STRBP: variants seen among roughly 807,000 people sequenced by gnomAD.
The protein encoded by STRBP is spermatid perinuclear RNA binding protein, also known as spermatid perinuclear RNA-binding protein.
A neutral mutation model predicts 80.1 loss-of-function variants in STRBP; 13 were observed. The observed-to-expected ratio is 0.16, with a 90% confidence interval of 0.11 to 0.26. The LOEUF is 0.26. STRBP is among the 10% of genes least tolerant of loss of function. The pLI is 1.00. For missense variants in STRBP, 485 were observed against 815.2 expected (o/e 0.59, Z 4.93); for synonymous variants, 284 against 291.2 (o/e 0.98, Z 0.25).
In STRBP at chr9:123,125,674, C is replaced by A; in HGVS notation, c.1943-1G>T. ...AACAGAACCATTCTCTTGGGTAAAC[C>A]TACAGAGAAAAGAAACGGAGAGGAC... On this transcript the variant is annotated splice_acceptor_variant, in intron 18 of 18. Transcript: ENST00000348403. LOFTEE classifies it high-confidence loss of function. The A allele has an allele frequency of 6.2e-7, 1 of 1,609,528 alleles. No individual in the cohort carries two copies. The highest frequency in any genetic ancestry group is 8.5e-7 in the Non-Finnish European group (1 of 1,178,104).
chr9:123,207,335 A>AT (rs2039553697), intron 2 of STRBP, among the ~76,000 whole-genome samples: 1 of 152,250 alleles, frequency 6.6e-6, no homozygotes, highest in Non-Finnish European at 1.5e-5. Context: ...CAGTTTATGA[A>AT]TGACAGTGAT....
intron 14 of STRBP, among the ~76,000 whole-genome samples, chr9:123,137,163 G>C (rs919909502): frequency 1.3e-5 from 2 of 152,210 alleles, no homozygotes; most frequent in African/African-American, 4.8e-5. Flanking sequence ...ACTGATTTGA[G>C]GAAGGATAAG....
At chr9:123,234,070 G>A (rs1303833432) in intron 2 of STRBP, among the ~76,000 whole-genome samples, 8 of 151,752 alleles carry the variant, frequency 5.3e-5, no homozygotes, top group Non-Finnish European at 1.0e-4. Flanking sequence ...GCGTGGTGGC[G>A]GGCGCCTGTA....
At position 123,116,121 on chromosome 9, in the gene STRBP, G is replaced by C. The variant is rs1170224701; in HGVS notation, c.169-23C>G. The C allele has an allele frequency of 1.1e-5, 5 of 455,870 alleles. No individual in the cohort carries two copies. In the Admixed American group the frequency reaches 1.2e-4, roughly 11 times the overall value. 28.2% of individuals were successfully genotyped at this position (455,870 alleles called of 1,614,324 possible). On this transcript the variant is annotated intron_variant and NMD_transcript_variant, in intron 2 of 3. Transcript: ENST00000471564. Reference sequence around the variant, plus strand: ...CCTCTGCAGGAATGAGGGATTTTTAGAAAGCTGAGACTTCCGAGAAGTCTC... The same window carrying C: ...CCTCTGCAGGAATGAGGGATTTTTACAAAGCTGAGACTTCCGAGAAGTCTC...
intron 2 of STRBP, among the ~76,000 whole-genome samples, chr9:123,227,405 GC>G (rs1319970654): frequency 3.3e-5 from 5 of 152,108 alleles, no homozygotes; most frequent in Non-Finnish European, 5.9e-5. Flanking sequence ...AATGCAGTAA[GC>G]CAAAGGATAA....
rs756663804 is a variant in STRBP, at chr9:123,147,885, G to T, written c.1046-15C>A. The T allele has an allele frequency of 6.2e-7, 1 of 1,601,672 alleles. No individual in the cohort carries two copies. Among genetic ancestry groups the T allele is most frequent in the East Asian group, 2.2e-5 (1 of 44,684 alleles). ...AGACCCAGCACCTAAAAAAAATTAT[G>T]AGGGATTCATTATCAGTCAAAACAA... is the stretch of plus-strand genomic sequence containing the variant. On this transcript the variant is annotated splice_polypyrimidine_tract_variant and intron_variant, in intron 11 of 18. Transcript: ENST00000348403.
chr9:123,154,278 T>C (rs1374199638), intron 11 of STRBP, among the ~76,000 whole-genome samples: 1 of 152,198 alleles, frequency 6.6e-6, no homozygotes, highest in African/African-American at 2.4e-5. Flanking sequence ...ACTATATCTA[T>C]GTGCAGCAAC....
intron 1 of STRBP, among the ~76,000 whole-genome samples, chr9:123,262,208 G>A (rs886244699): frequency 7.2e-5 from 11 of 152,114 alleles, no homozygotes; most frequent in Non-Finnish European, 1.3e-4. Flanking sequence ...ACACACCTTT[G>A]AGCCTAAATG....
chr9:123,258,737 C>T lies in STRBP; in HGVS notation c.-302+9699G>A, dbSNP rs1026353551. Among the ~76,000 whole-genome samples the T allele has an allele frequency of 1.0e-3, 155 of 148,840 alleles. 5 individuals are homozygous for T. Among genetic ancestry groups the T allele is most frequent in the Non-Finnish European group, 3.1e-4 (21 of 67,666 alleles). ...AATGGTGTGAACCCCGGAGGCAGAG[C>T]TTGCAGTGAGCCAAGATCGGGCCAC... is the stretch of plus-strand genomic sequence containing the variant. On this transcript the variant is annotated intron_variant, in intron 1 of 18. Transcript: ENST00000348403.
At chr9:123,258,670 G>A (rs2041090313) in intron 1 of STRBP, among the ~76,000 whole-genome samples, 1 of 152,154 alleles carries the variant, frequency 6.6e-6, no homozygotes, top group Admixed American at 6.5e-5. Flanking sequence ...CAGGCATGGT[G>A]GCGGGCGCCT....
intron 2 of STRBP, among the ~76,000 whole-genome samples, chr9:123,212,128 A>G (rs905133017): frequency 1.3e-5 from 2 of 152,212 alleles, no homozygotes; most frequent in African/African-American, 4.8e-5. Context: ...ACTCAACATT[A>G]GGATTTTCCT....
chr9:123,214,680 T>G (rs1193518121), intron 2 of STRBP, among the ~76,000 whole-genome samples: 2 of 152,180 alleles, frequency 1.3e-5, no homozygotes, highest in Non-Finnish European at 2.9e-5. Flanking sequence ...ATCCCAAGTG[T>G]AACATTAATT....
chr9:123,233,357 C>A (rs917853180), intron 2 of STRBP, among the ~76,000 whole-genome samples: 1 of 152,134 alleles, frequency 6.6e-6, no homozygotes, highest in Non-Finnish European at 1.5e-5. Flanking sequence ...GGTTACAGGC[C>A]TGAGCCCCTA....
At chr9:123,198,488 T>C (rs1273863744) in intron 2 of STRBP, among the ~76,000 whole-genome samples, 2 of 152,178 alleles carry the variant, frequency 1.3e-5, no homozygotes, top group Non-Finnish European at 2.9e-5. Flanking sequence ...GAGTTCCTTA[T>C]AGATTCTGGA....
intron 1 of STRBP, among the ~76,000 whole-genome samples, chr9:123,240,832 C>T (rs1330634072): frequency 1.5e-4 from 23 of 152,134 alleles, no homozygotes; most frequent in Admixed American, 1.5e-3. Context: ...CAATCCTGAC[C>T]TCCGCCTGGA....
intron 1 of STRBP, among the ~76,000 whole-genome samples, chr9:123,250,686 T>C (rs1235938851): frequency 6.6e-6 from 1 of 152,174 alleles, no homozygotes; most frequent in Non-Finnish European, 1.5e-5. Context: ...TCTTGACAAA[T>C]GTTTTGCACT....
In STRBP at chr9:123,221,058, A is replaced by G. The variant is rs775607149; in HGVS notation, c.-165+15772T>C. Among the ~76,000 whole-genome samples the G allele has an allele frequency of 1.7e-4, 26 of 152,326 alleles. 1 individual carries two copies. Among genetic ancestry groups the G allele is most frequent in the Admixed American group, 6.5e-4 (10 of 15,310 alleles). On this transcript the variant is annotated intron_variant, in intron 2 of 18. Transcript: ENST00000348403. ...AGTGGAAAGAATAATTAGAGAAAGAAAACAACAAAGAATTTTTAAAAAGAG... is the reference window on the plus strand; with the variant it reads ...AGTGGAAAGAATAATTAGAGAAAGAGAACAACAAAGAATTTTTAAAAAGAG...
At chr9:123,223,491 TGC>T (rs2040139095) in intron 2 of STRBP, among the ~76,000 whole-genome samples, 1 of 152,200 alleles carries the variant, frequency 6.6e-6, no homozygotes, top group Admixed American at 6.5e-5. Flanking sequence ...TTGTATTACA[TGC>T]TCAATTTTTA....
At chr9:123,127,181 T>C (rs1291779355) in intron 18 of STRBP, among the ~76,000 whole-genome samples, 2 of 152,250 alleles carry the variant, frequency 1.3e-5, no homozygotes, top group African/African-American at 2.4e-5. Flanking sequence ...TTTCTACTTA[T>C]GTCCACAGTT....
Sources: allele counts gnomAD v4.1 joint callset (sites outside exome capture counted in the v4.1 genomes callset), GRCh38; gene constraint gnomAD v4.1.1; transcripts MANE v1.5; gene names NCBI Gene and HGNC (gene_info 2026-07-23, HGNC 2026-07-21).